Variants in RTKN2 observed in about 807,000 individuals in gnomAD.
The protein encoded by RTKN2 is rhotekin-2.
In RTKN2, 69 loss-of-function variants were observed where a neutral mutation model predicts 71.5. The observed-to-expected ratio is 0.96, with a 90% confidence interval of 0.79 to 1.18. RTKN2 has a LOEUF of 1.18. Among genes scored for constraint, RTKN2 ranks in the 50% most tolerant of loss-of-function variants. RTKN2 has a pLI of 0.00. For missense variants in RTKN2, 724 were observed against 719.7 expected, an observed-to-expected ratio of 1.01 and a Z score of -0.07; for synonymous variants, 236 against 236.5, an observed-to-expected ratio of 1.00 and a Z score of 0.02.
chr10:62,215,833 C>G (rs150841109), intron 9 of RTKN2, among the ~76,000 whole-genome samples: 166 of 151,868 alleles, frequency 1.1e-3, no homozygotes, highest in African/African-American at 3.9e-3. Flanking sequence ...TACAACACTG[C>G]ATAAACCAAA....
At chr10:62,252,551 G>A (rs1038239981) in intron 2 of RTKN2, among the ~76,000 whole-genome samples, 2 of 151,810 alleles carry the variant, frequency 1.3e-5, no homozygotes, top group African/African-American at 4.8e-5. Flanking sequence ...GTGAAGATAT[G>A]ACTATAAGAT....
Position 62,193,319 on chromosome 10 carries a change from C to A in RTKN2, c.*4589G>T, listed in dbSNP as rs189846109. ...TTAAGAGATTACCATGTCTCAAGAG[C>A]AAACTGCTGGAATTTAAAACACAAT... On this transcript the variant is annotated 3_prime_UTR_variant, in exon 12 of 12. Coordinates refer to ENST00000373789, the MANE Select transcript of RTKN2 (RefSeq NM_145307.4). 2.3e-4 allele frequency: 228 copies of A among 980,674 alleles called. 1 individual carries two copies. In the African/African-American group the frequency reaches 3.7e-3, roughly 16 times the overall value. The allele number at this position is 980,674 out of a possible 1,614,324, so 60.7% of individuals were successfully genotyped here.
chr10:62,262,833 ATGCATCTTG>A lies in RTKN2; in HGVS notation c.61-21_61-13del. 6.4e-7 allele frequency: 1 copy of A among 1,564,558 alleles called. No individual in the cohort carries two copies. Among genetic ancestry groups the A allele is most frequent in the Non-Finnish European group, 8.7e-7 (1 of 1,147,930 alleles). On this transcript the variant is annotated splice_polypyrimidine_tract_variant and intron_variant, in intron 1 of 11. Transcript: ENST00000373789. ...TGAATGTTGCAGTCCTAAAAAAAAA[ATGCATCTTG>A]AAAATATAGCAAAAACCCAAAATTA...
intron 4 of RTKN2, among the ~76,000 whole-genome samples, chr10:62,240,591 A>C (rs555023502): frequency 7.9e-5 from 12 of 152,322 alleles, no homozygotes; most frequent in African/African-American, 2.9e-4. Context: ...CAAGAAAGAT[A>C]AAGTATTATC....
chr10:62,245,310 A>C (rs890538545), intron 3 of RTKN2, among the ~76,000 whole-genome samples: 3 of 152,226 alleles, frequency 2.0e-5, no homozygotes, highest in Non-Finnish European at 4.4e-5. Flanking sequence ...AAACAAACAG[A>C]TATTTAAGAG....
intron 10 of RTKN2, among the ~76,000 whole-genome samples, chr10:62,201,177 C>T (rs577599151): frequency 9.2e-5 from 14 of 152,034 alleles, no homozygotes; most frequent in Admixed American, 2.0e-4. Context: ...GTTGTATATC[C>T]GTATTTCATA....
At chr10:62,187,853 T>C (rs1271455126) in intron 8 of RTKN2, among the ~76,000 whole-genome samples, 1 of 152,218 alleles carries the variant, frequency 6.6e-6, no homozygotes, top group Non-Finnish European at 1.5e-5. Flanking sequence ...AGAGAGAATC[T>C]GTCAGAGATG....
At chr10:62,204,831 C>A in intron 10 of RTKN2, 26 bp downstream of exon 10, 1 of 1,511,922 alleles carries the variant, frequency 6.6e-7, no homozygotes, top group Admixed American at 2.3e-5. Context: ...AAATACACAA[C>A]TAAAAAAATC....
chr10:62,237,668 C>A (rs1842286468), intron 5 of RTKN2, among the ~76,000 whole-genome samples: 2 of 151,708 alleles, frequency 1.3e-5, no homozygotes, highest in African/African-American at 2.4e-5. Context: ...TAAAGAGTCA[C>A]TTATAGTGCA....
At chr10:62,225,751 A>T (rs1469228806) in intron 6 of RTKN2, among the ~76,000 whole-genome samples, 1 of 151,820 alleles carries the variant, frequency 6.6e-6, no homozygotes, top group Non-Finnish European at 1.5e-5. Context: ...ATAAAAAGTG[A>T]ATTTATGTTC....
At chr10:62,231,230 T>C (rs1301212864) in intron 6 of RTKN2, among the ~76,000 whole-genome samples, 1 of 152,196 alleles carries the variant, frequency 6.6e-6, no homozygotes, top group African/African-American at 2.4e-5. Context: ...CACACGATGA[T>C]TGCTTAAAAT....
chr10:62,208,140 T>A (rs1269087281), intron 9 of RTKN2, among the ~76,000 whole-genome samples: 1 of 152,118 alleles, frequency 6.6e-6, no homozygotes, highest in Non-Finnish European at 1.5e-5. Context: ...AACTCTAAAG[T>A]CACAGGAAAG....
exon 9 of RTKN2, chr10:62,184,275 T>C (rs1363060512): frequency 8.4e-7 from 1 of 1,195,578 alleles, no homozygotes; most frequent in Non-Finnish European, 1.2e-6. Flanking sequence ...AAATGTCACA[T>C]TGTATTTTAA....
intron 2 of RTKN2, among the ~76,000 whole-genome samples, chr10:62,250,075 T>C (rs1842550232): frequency 6.6e-6 from 1 of 152,152 alleles, no homozygotes. Context: ...TTACCGTAAA[T>C]GGGGAAACTA....
intron 9 of RTKN2, 38 bp downstream of exon 9, chr10:62,217,080 A>T: frequency 6.7e-7 from 1 of 1,496,910 alleles, no homozygotes; most frequent in Non-Finnish European, 8.9e-7. Context: ...AAACTTCCTA[A>T]GATGTATATT....
At chr10:62,256,142 T>C (rs1842670702) in intron 2 of RTKN2, among the ~76,000 whole-genome samples, 1 of 151,854 alleles carries the variant, frequency 6.6e-6, no homozygotes, top group South Asian at 2.1e-4. Flanking sequence ...CCTCAGCCTC[T>C]TGTGTAGCTG....
chr10:62,227,808 G>A (rs1842061214), intron 6 of RTKN2, among the ~76,000 whole-genome samples: 1 of 152,176 alleles, frequency 6.6e-6, no homozygotes. Flanking sequence ...GAATAGAACG[G>A]TGGTGGTGGG....
chr10:62,236,173 T>G lies in RTKN2; in HGVS notation c.579A>C (p.Leu193=), dbSNP rs1842254849. The part of the protein sequence containing the change: ...ESSITNTPKK[L]AKKLKTSISK... ...TTATAGATGTCTTGAGTTTCTTAGC[T>G]AGCTTTTTTGGTGTGTTGGTTATAG... Residue 193 remains leucine, a synonymous_variant, in exon 6 of 12, where the codon CTA becomes CTC. Transcript: ENST00000373789. 1 of 1,611,708 alleles carries G rather than the reference T, an allele frequency of 6.2e-7. No homozygotes were observed. Among genetic ancestry groups the G allele is most frequent in the Non-Finnish European group, 8.5e-7 (1 of 1,178,172 alleles).
At chr10:62,218,913 G>A (rs529561341) in intron 7 of RTKN2, among the ~76,000 whole-genome samples, 38 of 152,218 alleles carry the variant, frequency 2.5e-4, no homozygotes, top group Non-Finnish European at 4.7e-4. Flanking sequence ...TTGAGCCCAG[G>A]AGGCGGAGGT....
Sources: gnomAD v4.1 joint callset for allele counts (sites outside exome capture counted in the v4.1 genomes callset) on GRCh38, gnomAD v4.1.1 for gene constraint, MANE v1.5 for transcripts, NCBI Gene and HGNC (gene_info 2026-07-23, HGNC 2026-07-21) for gene names.